KANK1: variants seen among roughly 807,000 people sequenced by gnomAD.
KANK1 encodes the protein KN motif and ankyrin repeat domain-containing protein 1.
Under a neutral mutation model 106.2 loss-of-function variants are expected in KANK1, and 109 were observed. That is an observed-to-expected ratio of 1.03 (90% CI 0.88 to 1.20). The LOEUF (loss-of-function observed/expected upper bound fraction) is 1.20. Ranked by LOEUF, KANK1 falls within the 50% of genes most tolerant of loss-of-function variation. KANK1 has a pLI of 0.00. For synonymous variants in KANK1, 873 were observed against 652.2 expected (o/e 1.34, Z -5.16); for missense variants, 2,399 against 1,710.7 (o/e 1.40, Z -7.10).
Position 712,961 on chromosome 9 carries a change from A to G in KANK1, c.2195A>G (p.Lys732Arg). 1 of 1,614,228 alleles carries G rather than the reference A, an allele frequency of 6.2e-7. No individual in the cohort carries two copies. The stretch of plus-strand genomic sequence containing the variant: ...GTCAAGGACATCAACTCCTCCACCA[A>G]GACGCGGTCCATTGGTGTTGGAACG... The part of the protein sequence containing the change: ...GRVKDINSST[K>R]TRSIGVGTLL... The change falls in exon 3 of 12, where the codon AAG becomes AGG. Residue 732 changes from lysine (K) to arginine (R), a missense_variant. Lys to Arg is a conservative substitution (Grantham distance 26). Transcript: ENST00000382297.
chr9:625,093 A>G (rs1235244847), intron 1 of KANK1, among the ~76,000 whole-genome samples: 3 of 152,202 alleles, frequency 2.0e-5, no homozygotes, highest in Non-Finnish European at 2.9e-5. Context: ...TACAGCAGTT[A>G]GCACCGTTAG....
intron 2 of KANK1, among the ~76,000 whole-genome samples, chr9:708,127 GC>G (rs1234429233): frequency 1.8e-4 from 6 of 33,688 alleles, no homozygotes; most frequent in African/African-American, 8.1e-4. Context: ...AGGTCTGGCT[GC>G]TGCAGCTTCT....
intron 3 of KANK1, among the ~76,000 whole-genome samples, chr9:494,379 T>C (rs950561104): frequency 6.6e-6 from 1 of 152,216 alleles, no homozygotes; most frequent in Non-Finnish European, 1.5e-5. Context: ...TGTATACCAA[T>C]AGAGTACAAG....
chr9:626,804 G>T (rs1257664251), intron 1 of KANK1, among the ~76,000 whole-genome samples: 1 of 152,180 alleles, frequency 6.6e-6, no homozygotes, highest in Non-Finnish European at 1.5e-5. Context: ...TGCAAAACTA[G>T]GATACAAGCT....
chr9:687,016 G>A (rs770276863), intron 2 of KANK1: 4 of 710,254 alleles, frequency 5.6e-6, no homozygotes, highest in Non-Finnish European at 6.7e-6. Context: ...TGCAGATACT[G>A]CTGAATTTCT....
At chr9:566,186 TC>T (rs975639489) in intron 1 of KANK1, among the ~76,000 whole-genome samples, 9 of 152,330 alleles carry the variant, frequency 5.9e-5, no homozygotes, top group African/African-American at 2.2e-4. Flanking sequence ...AAGGACATGA[TC>T]TTATTCTTTT....
At chr9:582,926 C>G (rs933455933) in intron 1 of KANK1, among the ~76,000 whole-genome samples, 1 of 152,224 alleles carries the variant, frequency 6.6e-6, no homozygotes, top group African/African-American at 2.4e-5. Flanking sequence ...AGCAAAGTAT[C>G]TGTCATCAGA....
intron 4 of KANK1, 46 bp from the exon 5 acceptor site, chr9:731,112 T>C: frequency 1.0e-6 from 1 of 1,003,834 alleles, no homozygotes; most frequent in Non-Finnish European, 1.6e-6. Flanking sequence ...TCATTTAACA[T>C]GTATGGGTGT....
intron 1 of KANK1, among the ~76,000 whole-genome samples, chr9:623,216 TAAAAA>T (rs923326540): frequency 2.1e-5 from 3 of 144,418 alleles, no homozygotes; most frequent in East Asian, 2.0e-4. Context: ...AATACTAAAA[TAAAAA>T]AAAAAGTGGA....
intron 2 of KANK1, among the ~76,000 whole-genome samples, chr9:688,933 C>A (rs1402122970): frequency 6.6e-6 from 1 of 152,268 alleles, no homozygotes; most frequent in East Asian, 1.9e-4. Context: ...TCCTTCTTTC[C>A]CACTGTTTTC....
chr9:734,836 G>A lies in KANK1; in HGVS notation c.3333+1G>A. On this transcript the variant is annotated splice_donor_variant, in intron 7 of 11. Coordinates refer to ENST00000382297, the MANE Select transcript of KANK1 (RefSeq NM_015158.5). LOFTEE classifies it high-confidence loss of function. ...CAAAGCTTTGACCAGCAAAGATATG[G>A]TGAGTCTGACCTGCAAACACCATCC... 1.2e-6 allele frequency: 2 copies of A among 1,610,570 alleles called. No homozygotes were observed. Among genetic ancestry groups the A allele is most frequent in the Non-Finnish European group, 1.7e-6 (2 of 1,176,780 alleles).
intron 1 of KANK1, among the ~76,000 whole-genome samples, chr9:506,249 G>A (rs1197068450): frequency 6.6e-6 from 1 of 152,150 alleles, no homozygotes; most frequent in Non-Finnish European, 1.5e-5. Context: ...AAAACTGAGA[G>A]GTGATTAACT....
chr9:619,298 TGTTTA>T (rs1309777193), intron 1 of KANK1, among the ~76,000 whole-genome samples: 1 of 152,196 alleles, frequency 6.6e-6, no homozygotes, highest in African/African-American at 2.4e-5. Flanking sequence ...ACCATCACAC[TGTTTA>T]GTTTATCTAG....
chr9:553,256 TAA>T (rs1340292393), intron 1 of KANK1, among the ~76,000 whole-genome samples: 1 of 152,210 alleles, frequency 6.6e-6, no homozygotes, highest in Admixed American at 6.5e-5. Context: ...TCCAGGGACT[TAA>T]GTGTGTTCAG....
intron 1 of KANK1, among the ~76,000 whole-genome samples, chr9:588,950 T>G (rs1824181260): frequency 1.3e-5 from 2 of 152,186 alleles, no homozygotes; most frequent in Non-Finnish European, 1.5e-5. Flanking sequence ...GTTATACTTG[T>G]TTTTGAATTG....
intron 1 of KANK1, among the ~76,000 whole-genome samples, chr9:529,877 G>C (rs1044063808): frequency 4.6e-5 from 7 of 152,194 alleles, no homozygotes; most frequent in Non-Finnish European, 1.0e-4. Context: ...CATGGAAGCT[G>C]TGCTAACTTA....
chr9:578,092 GA>G (rs879396996), intron 1 of KANK1, among the ~76,000 whole-genome samples: 22 of 152,142 alleles, frequency 1.4e-4, no homozygotes, highest in Non-Finnish European at 2.8e-4. Flanking sequence ...AACACCAGAG[GA>G]TACTGAACTG....
chr9:720,882 G>A (rs1352215235), intron 3 of KANK1, among the ~76,000 whole-genome samples: 1 of 152,174 alleles, frequency 6.6e-6, no homozygotes, highest in African/African-American at 2.4e-5. Flanking sequence ...GCCCAGGGCT[G>A]TTAATTAAAC....
chr9:517,575 A>T (rs1042591750), intron 1 of KANK1, among the ~76,000 whole-genome samples: 5 of 151,522 alleles, frequency 3.3e-5, no homozygotes. Context: ...GTGAAATCCT[A>T]TGTGCCTATA....
Sources: gnomAD v4.1 joint callset for allele counts (sites outside exome capture counted in the v4.1 genomes callset) on GRCh38, gnomAD v4.1.1 for gene constraint, MANE v1.5 for transcripts, NCBI Gene and HGNC (gene_info 2026-07-23, HGNC 2026-07-21) for gene names.